Variants in SIPA1L1 observed in about 807,000 individuals in gnomAD.
SIPA1L1 encodes signal-induced proliferation-associated 1-like protein 1.
SIPA1L1 carries 26 observed loss-of-function variants against 162.7 expected under a neutral mutation model. The observed-to-expected ratio is 0.16, with a 90% CI of 0.12 to 0.22. The LOEUF is 0.22. Ranked by LOEUF, SIPA1L1 falls within the 10% of genes least tolerant of loss-of-function variation. The pLI is 1.00. For missense variants in SIPA1L1, 1,874 were observed against 2,241.0 expected (o/e 0.84, Z 3.31); for synonymous variants, 829 against 837.4 (o/e 0.99, Z 0.17).
Position 71,380,488 on chromosome 14 carries a change from T to C in SIPA1L1, c.-465+59307T>C, listed in dbSNP as rs575586734. Reference sequence around the variant, plus strand: ...TGCGATGCATTCCAAAGATTCCTGTTAATTGCCTGTGTTGTTACTGAAGAA... The same window carrying C: ...TGCGATGCATTCCAAAGATTCCTGTCAATTGCCTGTGTTGTTACTGAAGAA... On this transcript the variant is annotated intron_variant, in intron 2 of 23. Transcript: ENST00000381232. 4.6e-5 allele frequency among the ~76,000 whole-genome samples: 7 copies of C among 152,362 alleles called. No homozygotes were observed. In the East Asian group the frequency reaches 1.2e-3, roughly 25 times the overall value.
chr14:71,572,560 G>A (rs543793204), intron 4 of SIPA1L1, among the ~76,000 whole-genome samples: 1 of 152,318 alleles, frequency 6.6e-6, no homozygotes, highest in African/African-American at 2.4e-5. Flanking sequence ...GAACTGTCAG[G>A]ATGGTGATTG....
chr14:71,328,234 T>G (rs901080472), intron 2 of SIPA1L1, among the ~76,000 whole-genome samples: 1 of 152,182 alleles, frequency 6.6e-6, no homozygotes, highest in Non-Finnish European at 1.5e-5. Flanking sequence ...AAAGGCTTAT[T>G]AAAAGTTCAG....
chr14:71,662,605 C>G (rs964077618), intron 10 of SIPA1L1, among the ~76,000 whole-genome samples: 1 of 152,186 alleles, frequency 6.6e-6, no homozygotes, highest in African/African-American at 2.4e-5. Flanking sequence ...AACCACGCTG[C>G]TATGCCGCCT....
chr14:71,722,633 A>T (rs1442102373), intron 17 of SIPA1L1, among the ~76,000 whole-genome samples: 1 of 152,216 alleles, frequency 6.6e-6, no homozygotes, highest in South Asian at 2.1e-4. Context: ...GTTTTAGTCA[A>T]CTAAAACTCT....
intron 4 of SIPA1L1, among the ~76,000 whole-genome samples, chr14:71,551,007 G>T (rs1365089577): frequency 1.3e-5 from 2 of 152,118 alleles, no homozygotes; most frequent in Non-Finnish European, 2.9e-5. Flanking sequence ...TTTTTACCTT[G>T]GACACGCTGT....
intron 2 of SIPA1L1, among the ~76,000 whole-genome samples, chr14:71,480,374 C>G (rs935540463): frequency 2.7e-4 from 40 of 148,082 alleles, no homozygotes; most frequent in African/African-American, 9.1e-4. Context: ...CAGGCGTGAG[C>G]CACCGTGCCC....
intron 6 of SIPA1L1, among the ~76,000 whole-genome samples, chr14:71,620,124 C>T (rs1420249264): frequency 6.6e-6 from 1 of 152,226 alleles, no homozygotes; most frequent in African/African-American, 2.4e-5. Context: ...GGCTAGAGTG[C>T]AATGGCGCGA....
At chr14:71,618,916 T>A (rs891747339) in intron 6 of SIPA1L1, 29 bp downstream of exon 6, 24 of 1,605,232 alleles carry the variant, frequency 1.5e-5, no homozygotes, top group Non-Finnish European at 2.0e-5. Flanking sequence ...AGGTTTGAGG[T>A]TTAACTGAAA....
chr14:71,381,733 A>G (rs1389651492), intron 2 of SIPA1L1, among the ~76,000 whole-genome samples: 1 of 152,168 alleles, frequency 6.6e-6, no homozygotes, highest in Non-Finnish European at 1.5e-5. Context: ...TGGCAACTGC[A>G]TTGTGGTGAT....
At chr14:71,660,339 AT>A (rs1232138347) in intron 9 of SIPA1L1, among the ~76,000 whole-genome samples, 2 of 152,120 alleles carry the variant, frequency 1.3e-5, no homozygotes, top group Non-Finnish European at 2.9e-5. Flanking sequence ...ACAATTTGGG[AT>A]GCTTTCAAAT....
intron 2 of SIPA1L1, among the ~76,000 whole-genome samples, chr14:71,384,187 G>A (rs989343959): frequency 2.2e-4 from 33 of 152,158 alleles, no homozygotes; most frequent in African/African-American, 7.5e-4. Flanking sequence ...TAAGTCCAAC[G>A]GAATGAAAGG....
Position 71,724,665 on chromosome 14 carries a change from TCCAGGCG to T in SIPA1L1, c.4449-4_4451del, listed in dbSNP as rs1356847196. On this transcript the variant is annotated splice_acceptor_variant and splice_polypyrimidine_tract_variant and coding_sequence_variant and intron_variant, in exon 19 of 24. Coordinates refer to ENST00000381232, the MANE Select transcript of SIPA1L1 (RefSeq NM_001386936.1). LOFTEE classifies it high-confidence loss of function. ...TATCTATCATCTCTTCCCTTTTTTG[TCCAGGCG>T]TCATCAGAGCGATGGCAATGAAATA... The T allele has an allele frequency of 1.1e-5, 18 of 1,609,570 alleles. No individual in the cohort carries two copies. Among genetic ancestry groups the T allele is most frequent in the Admixed American group, 5.1e-5 (3 of 58,744 alleles).
chr14:71,651,778 T>C (rs897139188), intron 8 of SIPA1L1, among the ~76,000 whole-genome samples: 3 of 152,042 alleles, frequency 2.0e-5, no homozygotes, highest in African/African-American at 7.2e-5. Context: ...TGATGAAGGG[T>C]GATGTGAGAA....
Position 71,377,526 on chromosome 14 carries a change from C to T in SIPA1L1, c.-465+56345C>T, listed in dbSNP as rs1274134428. Among the ~76,000 whole-genome samples, 1 of 152,026 alleles carries T rather than the reference C, an allele frequency of 6.6e-6. No homozygotes were observed. Among genetic ancestry groups the T allele is most frequent in the African/African-American group, 2.4e-5 (1 of 41,400 alleles). On this transcript the variant is annotated intron_variant, in intron 2 of 23. Transcript: ENST00000381232. The surrounding 1 kb of genome is among the most constrained non-coding windows in gnomAD (Gnocchi z 4.8). ...CCAGGCAGAGGGGCTCCTCACATCC[C>T]AGACCATGGGCAGCCAGGCAGAGAC...
intron 2 of SIPA1L1, among the ~76,000 whole-genome samples, chr14:71,350,479 G>T (rs1032967787): frequency 1.3e-5 from 2 of 152,172 alleles, no homozygotes; most frequent in African/African-American, 2.4e-5. Flanking sequence ...GATTGCCACC[G>T]ATTGGCAAAA....
chr14:71,618,718 GT>G, intron 5 of SIPA1L1, 38 bp from the exon 6 acceptor site: 1 of 1,594,676 alleles, frequency 6.3e-7, no homozygotes, highest in Non-Finnish European at 8.6e-7. Context: ...AAAGTGTTAG[GT>G]AGATTTTCTA....
intron 2 of SIPA1L1, among the ~76,000 whole-genome samples, chr14:71,385,340 GGT>G (rs1295363470): frequency 6.6e-6 from 1 of 152,100 alleles, no homozygotes; most frequent in Non-Finnish European, 1.5e-5. Flanking sequence ...GGTAGGTGTG[GGT>G]ATGGCCTCCA....
At chr14:71,708,481 T>C (rs144289472) in intron 16 of SIPA1L1, among the ~76,000 whole-genome samples, 208 of 152,172 alleles carry the variant, frequency 1.4e-3, no homozygotes, top group Non-Finnish European at 2.5e-3. Context: ...GGCACCACCA[T>C]GCCTGGCTAA....
chr14:71,416,063 A>G (rs1289217253), intron 2 of SIPA1L1: 1 of 152,098 alleles, frequency 6.6e-6, no homozygotes, highest in Admixed American at 6.6e-5. Flanking sequence ...TTGAGCAGGC[A>G]CCTTAAGTTC....
Sources: allele counts gnomAD v4.1 joint callset (sites outside exome capture counted in the v4.1 genomes callset), GRCh38; gene constraint gnomAD v4.1.1; non-coding constraint Gnocchi (gnomAD v3.1); transcripts MANE v1.5; gene names NCBI Gene and HGNC (gene_info 2026-07-23, HGNC 2026-07-21).